CORO2B: variants seen among roughly 807,000 people sequenced by gnomAD.
The protein encoded by CORO2B is coronin-2B.
In CORO2B, 26 loss-of-function variants were observed where a neutral mutation model predicts 58.8. That is an observed-to-expected ratio of 0.44 (90% confidence interval 0.32 to 0.61). The LOEUF (loss-of-function observed/expected upper bound fraction) is 0.61. Ranked by LOEUF, CORO2B falls within the 20% of genes least tolerant of loss-of-function variation. CORO2B has a pLI of 0.04. For missense variants in CORO2B, 460 were observed against 645.1 expected (o/e 0.71, Z 3.11); for synonymous variants, 242 against 253.8 (o/e 0.95, Z 0.44).
At chr15:68,562,373 T>C in the CORO2B span, among the ~76,000 whole-genome samples, 2 of 152,178 alleles carry the variant, frequency 1.3e-5, no homozygotes, top group East Asian at 1.9e-4. Context: ...ACAAGAGTTA[T>C]ATTTTTCCCT....
intron 1 of CORO2B, among the ~76,000 whole-genome samples, chr15:68,597,478 C>T (rs1452153885): frequency 6.6e-6 from 1 of 152,046 alleles, no homozygotes; most frequent in African/African-American, 2.4e-5. Flanking sequence ...AAGCAGCATG[C>T]CCCAGGTCAC....
chr15:68,717,117 AATATGGTG>A lies in CORO2B; in HGVS notation c.968-1579_968-1572del, dbSNP rs1194534745. Among the ~76,000 whole-genome samples, 7 of 152,182 alleles carry A rather than the reference AATATGGTG, an allele frequency of 4.6e-5. No individual in the cohort carries two copies. The South Asian group carries it at 1.0e-3, about 23-fold the overall frequency. ...TCAGGAGTTCGAGACCAGTCTGGCC[AATATGGTG>A]AAACCCTGTCTCTAAACCCTGTCAC... On this transcript the variant is annotated intron_variant, in intron 8 of 11. Coordinates refer to ENST00000261861, the MANE Select transcript of CORO2B (RefSeq NM_006091.5).
chr15:68,656,642 C>A (rs1337189991), intron 2 of CORO2B, among the ~76,000 whole-genome samples: 2 of 152,108 alleles, frequency 1.3e-5, no homozygotes, highest in Admixed American at 6.5e-5. Flanking sequence ...TTAGAGACTT[C>A]CCGTGAGAGG....
At chr15:68,595,141 G>A (rs576634963) in intron 1 of CORO2B, among the ~76,000 whole-genome samples, 36 of 152,380 alleles carry the variant, frequency 2.4e-4, no homozygotes, top group African/African-American at 8.7e-4. Flanking sequence ...CGAGGCCAGA[G>A]AACTGGCTGA....
At chr15:68,605,372 A>T (rs1366557097) in intron 1 of CORO2B, among the ~76,000 whole-genome samples, 2 of 152,196 alleles carry the variant, frequency 1.3e-5, no homozygotes, top group African/African-American at 4.8e-5. Flanking sequence ...GGCGGGGAAA[A>T]ACTCTATGCA....
chr15:68,608,337 G>C (rs1900172036), intron 1 of CORO2B, among the ~76,000 whole-genome samples: 1 of 152,206 alleles, frequency 6.6e-6, no homozygotes, highest in African/African-American at 2.4e-5. Flanking sequence ...CAGGCCTCCT[G>C]GGAGAAAAGC....
intron 1 of CORO2B, chr15:68,632,043 G>T (rs1410815871): frequency 2.0e-6 from 2 of 985,328 alleles, no homozygotes; most frequent in East Asian, 2.3e-4. Flanking sequence ...GTGACTAGCA[G>T]CCAGGCCTCC....
chr15:68,601,349 G>A (rs780854151), intron 1 of CORO2B, among the ~76,000 whole-genome samples: 5 of 152,202 alleles, frequency 3.3e-5, no homozygotes, highest in Admixed American at 2.6e-4. Flanking sequence ...GGTTCCACCC[G>A]TCCCTGGGCC....
intron 2 of CORO2B, among the ~76,000 whole-genome samples, chr15:68,666,255 G>A (rs1348086453): frequency 6.6e-6 from 1 of 152,200 alleles, no homozygotes; most frequent in Admixed American, 6.5e-5. Flanking sequence ...CACATGGCAA[G>A]TCAACAGATG....
intron 2 of CORO2B, among the ~76,000 whole-genome samples, chr15:68,691,202 G>A (rs113550443): frequency 0.6 from 90,407 of 149,946 alleles, 30,153 homozygotes; most frequent in East Asian, 0.86. Flanking sequence ...GGTGGCGGGC[G>A]CCTGTGGTCT....
intron 3 of CORO2B, among the ~76,000 whole-genome samples, chr15:68,703,791 A>G (rs528854181): frequency 1.3e-5 from 2 of 152,312 alleles, no homozygotes; most frequent in Admixed American, 1.3e-4. Flanking sequence ...AGACACCTCC[A>G]TAATCATGTA....
Position 68,710,497 on chromosome 15 carries a change from C to T in CORO2B, c.334-235C>T, listed in dbSNP as rs1892887567. Among the ~76,000 whole-genome samples, 1 of 152,196 alleles carries T rather than the reference C, an allele frequency of 6.6e-6. No homozygotes were observed. Among genetic ancestry groups the T allele is most frequent in the African/African-American group, 2.4e-5 (1 of 41,452 alleles). The stretch of plus-strand genomic sequence containing the variant: ...ATGCCAGTAATAACAGTTCTTAGGT[C>T]TGCAGAGACTTCCCAGAGAAAACCT... On this transcript the variant is annotated intron_variant, in intron 3 of 11. Coordinates refer to ENST00000261861, the MANE Select transcript of CORO2B (RefSeq NM_006091.5). This position sits in a 1 kb window ranked among gnomAD's most constrained non-coding sequence, Gnocchi z 4.1.
intron 3 of CORO2B, among the ~76,000 whole-genome samples, chr15:68,700,307 G>C (rs1892610282): frequency 6.6e-6 from 1 of 152,180 alleles, no homozygotes. Context: ...GCTCTTCACA[G>C]CAGGTCTGGA....
At chr15:68,579,344 G>A in intron 1 of CORO2B, 67 bp downstream of exon 1, 2 of 1,230,480 alleles carry the variant, frequency 1.6e-6, no homozygotes, top group South Asian at 3.3e-5. Flanking sequence ...TAGGCTGCGG[G>A]GGGCGCGGGG....
intron 11 of CORO2B, 125 bp downstream of exon 11, chr15:68,719,677 AT>A (rs1441030356): frequency 1.8e-6 from 2 of 1,103,216 alleles, no homozygotes; most frequent in Non-Finnish European, 2.5e-6. Flanking sequence ...GACAAATGCC[AT>A]AAGTAGCCTG....
intron 1 of CORO2B, among the ~76,000 whole-genome samples, chr15:68,595,360 C>G (rs971961188): frequency 3.9e-5 from 6 of 152,252 alleles, no homozygotes; most frequent in African/African-American, 1.4e-4. Context: ...CAGTTTACAT[C>G]CCTGGGAGTT....
intron 2 of CORO2B, among the ~76,000 whole-genome samples, chr15:68,687,448 A>G (rs1166268007): frequency 6.6e-6 from 1 of 152,160 alleles, no homozygotes; most frequent in Non-Finnish European, 1.5e-5. Context: ...TAAATCCTGG[A>G]CAGGGGTTGA....
chr15:68,711,885 G>A (rs993486608), intron 5 of CORO2B, among the ~76,000 whole-genome samples, 179 bp downstream of exon 5: 1 of 152,146 alleles, frequency 6.6e-6, no homozygotes, highest in African/African-American at 2.4e-5. Flanking sequence ...ACCCTGCCTT[G>A]TTCTGGGTGG....
rs992435528 is a variant in CORO2B, at chr15:68,620,766, C to T, written c.16-24394C>T. On this transcript the variant is annotated intron_variant, in intron 1 of 11. Coordinates refer to ENST00000261861, the MANE Select transcript of CORO2B (RefSeq NM_006091.5). ...CAGAGAGGGAGTGTGCCTGCCGTCA[C>T]TCAGCCACTCACTCAGCCAGCTGAG... Among the ~76,000 whole-genome samples, 102 of 152,166 alleles carry T rather than the reference C, an allele frequency of 6.7e-4. 2 individuals carry two copies. Among genetic ancestry groups the T allele is most frequent in the Admixed American group, 6.6e-3 (101 of 15,286 alleles).
Sources: allele counts gnomAD v4.1 joint callset (sites outside exome capture counted in the v4.1 genomes callset), GRCh38; gene constraint gnomAD v4.1.1; non-coding constraint Gnocchi (gnomAD v3.1); transcripts MANE v1.5; gene names NCBI Gene and HGNC (gene_info 2026-07-23, HGNC 2026-07-21).